The following UBE3D variants were observed in gnomAD, a reference collection of about 807,000 sequenced individuals.
UBE3D encodes the protein E3 ubiquitin-protein ligase E3D.
UBE3D carries 48 observed loss-of-function variants against 49.6 expected under a neutral mutation model. The ratio of observed to expected loss-of-function variants is 0.97; its 90% CI spans 0.77 to 1.23. UBE3D has a LOEUF of 1.23. Ranked by LOEUF, UBE3D falls within the 50% of genes most tolerant of loss-of-function variation. The pLI is 0.00. For missense variants in UBE3D, 452 were observed against 468.4 expected (o/e 0.96, Z 0.32); for synonymous variants, 189 against 174.2 (o/e 1.08, Z -0.67).
chr6:82,888,699 AT>A (rs1467296197), downstream of UBE3D, among the ~76,000 whole-genome samples: 3 of 152,194 alleles, frequency 2.0e-5, no homozygotes, highest in Admixed American at 1.3e-4. Context: ...GGGTTTCATA[AT>A]TTATATGTAA....
chr6:83,063,513 G>A (rs1180117815), intron 1 of UBE3D, among the ~76,000 whole-genome samples: 2 of 149,618 alleles, frequency 1.3e-5, no homozygotes, highest in African/African-American at 4.9e-5. Flanking sequence ...GAAAGCTCTT[G>A]TTTTGAGACA....
chr6:82,934,844 TG>T (rs965658017), intron 9 of UBE3D, among the ~76,000 whole-genome samples: 112 of 145,838 alleles, frequency 7.7e-4, no homozygotes, highest in Middle Eastern at 3.5e-3. Context: ...ACAGAATGAG[TG>T]AACTGGAAGA....
intron 9 of UBE3D, among the ~76,000 whole-genome samples, chr6:82,899,273 C>T (rs1041832787): frequency 3.3e-5 from 5 of 152,158 alleles, no homozygotes; most frequent in African/African-American, 4.8e-5. Flanking sequence ...AAGATCCTGT[C>T]CCTCCAAATT....
In UBE3D at chr6:82,919,420, G is replaced by A. The variant is rs758190347; in HGVS notation, c.1150-26378C>T. Among the ~76,000 whole-genome samples the A allele has an allele frequency of 3.3e-5, 5 of 151,218 alleles. No homozygotes were observed. In the South Asian group the frequency reaches 6.3e-4, roughly 19 times the overall value. On this transcript the variant is annotated intron_variant, in intron 9 of 9. Transcript: ENST00000369747. ...AGATCGAGACCATCCTGGCTAACAC[G>A]GTGAAACCCTGTCTGCACTAAAAAT...
intron 8 of UBE3D, among the ~76,000 whole-genome samples, chr6:82,994,820 A>T (rs1779132827): frequency 6.6e-6 from 1 of 152,194 alleles, no homozygotes; most frequent in Admixed American, 6.5e-5. Flanking sequence ...TACACATAAG[A>T]GGAAAGATAT....
At chr6:82,943,223 T>C (rs1775145698) in intron 9 of UBE3D, among the ~76,000 whole-genome samples, 1 of 152,240 alleles carries the variant, frequency 6.6e-6, no homozygotes, top group Non-Finnish European at 1.5e-5. Flanking sequence ...CTAATGCCTG[T>C]AACCCCACTG....
chr6:82,923,776 C>T (rs1343433799), intron 9 of UBE3D, among the ~76,000 whole-genome samples: 1 of 152,080 alleles, frequency 6.6e-6, no homozygotes, highest in Non-Finnish European at 1.5e-5. Context: ...AACACAAACA[C>T]AGATAAAAAA....
In UBE3D at chr6:83,005,152, A is replaced by C. The variant is rs113894691; in HGVS notation, c.1010+13821T>G. 9.9e-3 allele frequency among the ~76,000 whole-genome samples: 1,513 copies of C among 152,304 alleles called. 25 individuals are homozygous for C. The highest frequency in any genetic ancestry group is 0.035 in the African/African-American group (1,435 of 41,538). ...ACAACTCAATAACAAATTAAAAGGA[A>C]TTGATTAAAAAGGGGCAAAGGACTT... On this transcript the variant is annotated intron_variant, in intron 8 of 9. Coordinates refer to ENST00000369747, the MANE Select transcript of UBE3D (RefSeq NM_198920.3).
chr6:83,055,310 A>C (rs1783747094), intron 2 of UBE3D, among the ~76,000 whole-genome samples: 1 of 152,222 alleles, frequency 6.6e-6, no homozygotes, highest in Non-Finnish European at 1.5e-5. Context: ...CATCAGAATC[A>C]AGCAATGTGG....
At chr6:83,032,074 G>A (rs1464371788) in intron 5 of UBE3D, among the ~76,000 whole-genome samples, 1 of 152,224 alleles carries the variant, frequency 6.6e-6, no homozygotes, top group Non-Finnish European at 1.5e-5. Flanking sequence ...TGGGGTGGGA[G>A]CTCCCATGTA....
chr6:83,025,654 G>A lies in UBE3D; in HGVS notation c.668-1616C>T, dbSNP rs372096257. On this transcript the variant is annotated intron_variant, in intron 5 of 9. Transcript: ENST00000369747. ...TCCCAGCACTTTGGGAGGCTGAGGC[G>A]AGCAGATCACCTGGGGTCAGGCGTT... 4.6e-5 allele frequency among the ~76,000 whole-genome samples: 7 copies of A among 151,778 alleles called. No individual in the cohort carries two copies. In the East Asian group the frequency reaches 7.8e-4, roughly 17 times the overall value.
intron 9 of UBE3D, among the ~76,000 whole-genome samples, chr6:82,925,455 G>A (rs1269716703): frequency 6.6e-6 from 1 of 152,152 alleles, no homozygotes; most frequent in Non-Finnish European, 1.5e-5. Flanking sequence ...AGCACGTGAT[G>A]AGACTCTATG....
chr6:82,997,522 G>A (rs947706506), intron 8 of UBE3D, among the ~76,000 whole-genome samples: 4 of 151,878 alleles, frequency 2.6e-5, no homozygotes, highest in African/African-American at 4.8e-5. Context: ...GATCGAGACC[G>A]GCCTGGCTAA....
intron 8 of UBE3D, among the ~76,000 whole-genome samples, chr6:83,010,490 G>C (rs979658730): frequency 6.6e-6 from 1 of 152,084 alleles, no homozygotes. Context: ...AAGAACAAAT[G>C]AACAATTTTT....
rs1303006599 is a variant in UBE3D at position 82,908,953 on chromosome 6, C to T, written c.1150-15911G>A. Among the ~76,000 whole-genome samples the T allele has an allele frequency of 2.0e-5, 3 of 152,170 alleles. 1 individual carries two copies. The highest frequency in any genetic ancestry group is 4.1e-4 in the South Asian group (2 of 4,832). Reference sequence around the variant, plus strand: ...GAGTCAGTCCAGGTTTCCCAGGAAGCCTCAGCATTTCACTTGCCCCTCTCT... The same window carrying T: ...GAGTCAGTCCAGGTTTCCCAGGAAGTCTCAGCATTTCACTTGCCCCTCTCT... On this transcript the variant is annotated intron_variant, in intron 9 of 9. Coordinates refer to ENST00000369747, the MANE Select transcript of UBE3D (RefSeq NM_198920.3).
chr6:82,993,169 T>C (rs913499614), intron 8 of UBE3D, among the ~76,000 whole-genome samples: 2 of 151,878 alleles, frequency 1.3e-5, no homozygotes, highest in Admixed American at 1.3e-4. Flanking sequence ...TCAGCAAAAG[T>C]ATAATTCATT....
chr6:83,063,960 T>C (rs1204835097), intron 1 of UBE3D, among the ~76,000 whole-genome samples: 1 of 152,140 alleles, frequency 6.6e-6, no homozygotes, highest in Non-Finnish European at 1.5e-5. Context: ...GTATTCATAA[T>C]AAGCAAACTC....
At chr6:82,933,378 T>C (rs1774315103) in intron 9 of UBE3D, among the ~76,000 whole-genome samples, 1 of 152,242 alleles carries the variant, frequency 6.6e-6, no homozygotes, top group South Asian at 2.1e-4. Context: ...AACAATTTCA[T>C]TTTCATTGCA....
intron 8 of UBE3D, among the ~76,000 whole-genome samples, chr6:83,014,634 G>A (rs1203700734): frequency 6.6e-6 from 1 of 152,194 alleles, no homozygotes; most frequent in East Asian, 1.9e-4. Context: ...CAGAGCCAGT[G>A]TCCAGTAGTC....
Sources: allele counts gnomAD v4.1 joint callset (sites outside exome capture counted in the v4.1 genomes callset), GRCh38; gene constraint gnomAD v4.1.1; transcripts MANE v1.5; gene names NCBI Gene and HGNC (gene_info 2026-07-23, HGNC 2026-07-21).